Variants in PYGL observed in about 807,000 individuals in gnomAD.
PYGL encodes the protein glycogen phosphorylase L, also known as glycogen phosphorylase, liver form.
In PYGL, 90 loss-of-function variants were observed where a neutral mutation model predicts 100.1. The ratio of observed to expected loss-of-function variants is 0.90; its 90% confidence interval spans 0.76 to 1.07. The LOEUF (loss-of-function observed/expected upper bound fraction) is 1.07. Among genes scored for constraint, PYGL ranks in the 50% least tolerant of loss-of-function variants. The pLI, the probability that PYGL is intolerant of heterozygous loss-of-function variation, is 0.00. For synonymous variants in PYGL, 373 were observed against 393.0 expected, an observed-to-expected ratio of 0.95 and a Z score of 0.60; for missense variants, 1,016 against 1,057.6, an observed-to-expected ratio of 0.96 and a Z score of 0.55.
rs1432779898 is a variant in PYGL, at chr14:50,917,165, C to T, written c.856-60G>A. Reference sequence around the variant, plus strand: ...TATTGTAGGTGTGGCCAAAATGTGACTGGTGTCTCCTGCACTAGGAACTTT... The same window carrying T: ...TATTGTAGGTGTGGCCAAAATGTGATTGGTGTCTCCTGCACTAGGAACTTT... On this transcript the variant is annotated intron_variant, in intron 7 of 19. Transcript: ENST00000216392. 11 of 1,539,026 alleles carry T rather than the reference C, an allele frequency of 7.1e-6. No individual in the cohort carries two copies. The East Asian group carries it at 2.0e-4, about 28-fold the overall frequency.
intron 4 of PYGL, among the ~76,000 whole-genome samples, chr14:50,931,425 G>A (rs2050599693): frequency 6.6e-6 from 1 of 152,140 alleles, no homozygotes; most frequent in South Asian, 2.1e-4. Flanking sequence ...TATTTTCAGA[G>A]CACCCTGTGC....
At chr14:50,932,640 C>T (rs992447310) in intron 3 of PYGL, among the ~76,000 whole-genome samples, 2 of 152,114 alleles carry the variant, frequency 1.3e-5, no homozygotes, top group African/African-American at 4.8e-5. Context: ...AGCATTTTTG[C>T]TAGGTTTTCT....
chr14:50,915,625 G>T (rs2050439876), intron 10 of PYGL, 126 bp from the exon 11 acceptor site: 1 of 1,434,268 alleles, frequency 7.0e-7, no homozygotes. Context: ...ACAGGGAGGG[G>T]TTGAGTTAGC....
In PYGL at chr14:50,914,568, T is replaced by C. The variant is rs4901066; in HGVS notation, c.1518+133A>G. 279,412 of 692,442 alleles carry C rather than the reference T, an allele frequency of 0.4. 62,525 individuals carry two copies. The highest frequency in any genetic ancestry group is 0.66 in the East Asian group (23,346 of 35,398). The allele number at this position is 692,442 out of a possible 1,614,324, so 42.9% of individuals were successfully genotyped here. On this transcript the variant is annotated intron_variant, in intron 12 of 19. Coordinates refer to ENST00000216392, the MANE Select transcript of PYGL (RefSeq NM_002863.5). ...GCAGAGAATTAAACCCAGCATGGAG[T>C]CCTGTGTGACTGCACAAACCACATG...
intron 18 of PYGL, 140 bp from the exon 19 acceptor site, chr14:50,908,477 C>T (rs1397400074): frequency 5.9e-6 from 5 of 852,170 alleles, no homozygotes; most frequent in East Asian, 5.3e-5. Context: ...GTTTGTAAGA[C>T]TTTTAACCAG....
chr14:50,908,676 T>C, intron 18 of PYGL, 145 bp downstream of exon 18: 2 of 1,190,668 alleles, frequency 1.7e-6, no homozygotes, highest in Non-Finnish European at 2.4e-6. Context: ...CAGATCACGC[T>C]AATCTATGCT....
intron 2 of PYGL, among the ~76,000 whole-genome samples, chr14:50,935,607 TA>T (rs888766363): frequency 2.0e-5 from 3 of 152,042 alleles, no homozygotes; most frequent in African/African-American, 4.8e-5. Context: ...CTATTATCAT[TA>T]AAAAAAATTG....
rs372627784 is a variant in PYGL at position 50,915,896 on chromosome 14, C to T, written c.1168G>A (p.Val390Met). Residue 390 changes from valine to methionine, a missense_variant, in exon 10 of 20, where the codon GTG becomes ATG. Physicochemically the swap from Val to Met is conservative, Grantham distance 21. Coordinates refer to ENST00000216392, the MANE Select transcript of PYGL (RefSeq NM_002863.5). ...VLPEALERWP[V>M]DLVEKLLPRH... The stretch of plus-strand genomic sequence containing the variant: ...GGGAGCAGCTTCTCCACCAGGTCCA[C>T]GGGCCAGCGCTCCAGGGCTTCCGGG... 31 of 1,614,082 alleles carry T rather than the reference C, an allele frequency of 1.9e-5. No individual in the cohort carries two copies. Among genetic ancestry groups the T allele is most frequent in the African/African-American group, 1.3e-4 (10 of 74,938 alleles).
At chr14:50,924,219 T>A in intron 4 of PYGL, 119 bp from the exon 5 acceptor site, 1 of 1,209,052 alleles carries the variant, frequency 8.3e-7, no homozygotes, top group Non-Finnish European at 1.2e-6. Context: ...GAATACTGAG[T>A]ACTGTTTTGT....
chr14:50,922,521 C>A (rs1465134764), intron 5 of PYGL, among the ~76,000 whole-genome samples: 1 of 152,100 alleles, frequency 6.6e-6, no homozygotes, highest in Non-Finnish European at 1.5e-5. Flanking sequence ...AGAGTTGGAC[C>A]CTTCTGACCC....
intron 6 of PYGL, 41 bp from the exon 7 acceptor site, chr14:50,920,664 C>A: frequency 1.3e-6 from 2 of 1,551,840 alleles, no homozygotes; most frequent in South Asian, 2.2e-5. Context: ...AGAAACCAGC[C>A]ATTGTTGTTG....
chr14:50,929,909 A>G (rs12436081), intron 4 of PYGL, among the ~76,000 whole-genome samples: 25,254 of 152,138 alleles, frequency 0.17, 2,776 homozygotes, highest in East Asian at 0.45. Context: ...TATTTCTTAC[A>G]GAAAATGAGA....
At chr14:50,924,691 T>C (rs1362224492) in intron 4 of PYGL, among the ~76,000 whole-genome samples, 1 of 152,236 alleles carries the variant, frequency 6.6e-6, no homozygotes, top group Non-Finnish European at 1.5e-5. Flanking sequence ...GTAATTTTGA[T>C]TTGATAATGA....
rs370565099 is a variant in PYGL, at chr14:50,921,065, C to T, written c.663G>A (p.Val221=). ...NTGTKWIDTQ[V]VLALPYDTPV... The stretch of plus-strand genomic sequence containing the variant: ...GGGTGTCATATGGCAGAGCCAGGAC[C>T]ACCTGTGGGATTAAACAGAAGCAGC... The change falls in exon 6 of 20, where the codon GTG becomes GTA. Residue 221 remains valine (V), a splice_region_variant and synonymous_variant. Transcript: ENST00000216392. 76 of 1,609,560 alleles carry T rather than the reference C, an allele frequency of 4.7e-5. No homozygotes were observed. In the African/African-American group the frequency reaches 9.7e-4, roughly 21 times the overall value.
At chr14:50,915,784 C>A (rs375758575) in intron 10 of PYGL, 41 bp downstream of exon 10, 30 of 1,598,448 alleles carry the variant, frequency 1.9e-5, no homozygotes, top group African/African-American at 1.1e-4. Context: ...ACCTTAAGAT[C>A]TTATGCTCAT....
At position 50,911,747 on chromosome 14, in the gene PYGL, A is replaced by G; in HGVS notation, c.1952T>C (p.Val651Ala). Residue 651 changes from valine to alanine, a missense_variant, in exon 16 of 20, where the codon GTA becomes GCA. Val to Ala is a moderately conservative substitution (Grantham distance 64). Transcript: ENST00000216392. ...GGTAGTACCTTTTTCAGCAAGAGAT[A>G]CTCTGTAGTTCTCCAAGAAGATGAC... ...LKVIFLENYRVSLAEKVIPAT... is the reference protein window; with the variant it reads ...LKVIFLENYRASLAEKVIPAT... The G allele has an allele frequency of 6.2e-7, 1 of 1,614,102 alleles. No individual in the cohort carries two copies. The highest frequency in any genetic ancestry group is 8.5e-7 in the Non-Finnish European group (1 of 1,180,026).
At position 50,943,836 on chromosome 14, in the gene PYGL, A is replaced by C. The variant is rs147934706; in HGVS notation, c.243+325T>G. On this transcript the variant is annotated intron_variant, in intron 1 of 19. Coordinates refer to ENST00000216392, the MANE Select transcript of PYGL (RefSeq NM_002863.5). ...CCTCTTGATTAAATGCTGAGAGTCA[A>C]AGTTCCAAAAAAGTTTGTGAAGTGG... 1.9e-3 allele frequency among the ~76,000 whole-genome samples: 291 copies of C among 152,336 alleles called. 3 individuals carry two copies. The highest frequency in any genetic ancestry group is 6.7e-3 in the African/African-American group (279 of 41,590).
rs752524008 is a variant in PYGL at position 50,924,135 on chromosome 14, TG to T, written c.529-36del. ...GATACAGTATTGCTTAGAATTTATT[TG>T]TCAGGAAATATGAACCTAGCACTTC... On this transcript the variant is annotated intron_variant, in intron 4 of 19. Coordinates refer to ENST00000216392, the MANE Select transcript of PYGL (RefSeq NM_002863.5). 6.8e-6 allele frequency: 11 copies of T among 1,606,482 alleles called. No homozygotes were observed. In the South Asian group the frequency reaches 1.1e-4, roughly 16 times the overall value.
rs535447490 is a variant in PYGL, at chr14:50,908,951, C to T, written c.2182G>A (p.Glu728Lys). The change falls in exon 18 of 20, where the codon GAG (glutamate) becomes AAG (lysine). Residue 728 changes from glutamate to lysine, a missense_variant. Physicochemically the swap from Glu to Lys is moderately conservative, Grantham distance 56. Coordinates refer to ENST00000216392, the MANE Select transcript of PYGL (RefSeq NM_002863.5). Reference sequence around the variant, plus strand: ...AGTGCCTCATAGTATTCTTTTGCCTCGTACCTGTGGGGTAGGGGTGGGTGG... The same window carrying T: ...AGTGCCTCATAGTATTCTTTTGCCTTGTACCTGTGGGGTAGGGGTGGGTGG... ...DVAALDKKGY[E>K]AKEYYEALPE... 5 of 1,363,564 alleles carry T rather than the reference C, an allele frequency of 3.7e-6. No homozygotes were observed. In the East Asian group the frequency reaches 1.4e-4, roughly 39 times the overall value. 84.5% of individuals were successfully genotyped at this position (1,363,564 alleles called of 1,614,324 possible).
Sources: allele counts gnomAD v4.1 joint callset (sites outside exome capture counted in the v4.1 genomes callset), GRCh38; gene constraint gnomAD v4.1.1; transcripts MANE v1.5; gene names NCBI Gene and HGNC (gene_info 2026-07-23, HGNC 2026-07-21).